Variants in FAXDC2 observed in about 807,000 individuals in gnomAD.
The protein encoded by FAXDC2 is fatty acid hydroxylase domain containing 2.
In FAXDC2, 41 loss-of-function variants were observed where a neutral mutation model predicts 40.9. The observed-to-expected ratio is 1.00, with a 90% confidence interval of 0.78 to 1.30. The LOEUF is 1.30. Among genes scored for constraint, FAXDC2 ranks in the 50% most tolerant of loss-of-function variants. The pLI, the probability that FAXDC2 is intolerant of heterozygous loss-of-function variation, is 0.00. For synonymous variants in FAXDC2, 157 were observed against 149.3 expected, an observed-to-expected ratio of 1.05 and a Z score of -0.38; for missense variants, 390 against 408.8, an observed-to-expected ratio of 0.95 and a Z score of 0.40.
At chr5:154,820,663 C>A (rs1298208334) in intron 8 of FAXDC2, 191 bp from the exon 9 acceptor site, 5 of 493,318 alleles carry the variant, frequency 1.0e-5, no homozygotes, top group Non-Finnish European at 1.8e-5. Context: ...TCCAAACCTG[C>A]AATTTGCCGT....
Position 154,821,382 on chromosome 5 carries a change from G to T in FAXDC2, c.723C>A (p.Gly241=), listed in dbSNP as rs761234799. The T allele has an allele frequency of 1.2e-6, 2 of 1,611,916 alleles. No individual in the cohort carries two copies. The highest frequency in any genetic ancestry group is 1.1e-5 in the South Asian group (1 of 90,860). Residue 241 remains glycine, a synonymous_variant, in exon 8 of 9, where the codon GGC becomes GGA. Transcript: ENST00000326080. ...ACATGGTGATGGAGGACAAGTGGGA[G>T]CCCATTACTAATGGGCCCACTATCA... The part of the protein sequence containing the change: ...LPVIVGPLVM[G]SHLSSITMWF...
At chr5:154,849,625 A>C (rs1760684770) in intron 1 of FAXDC2, among the ~76,000 whole-genome samples, 3 of 152,228 alleles carry the variant, frequency 2.0e-5, no homozygotes, top group African/African-American at 7.2e-5. Flanking sequence ...CCCTTGTGCT[A>C]ATTACTTTCG....
At chr5:154,835,058 C>A in intron 2 of FAXDC2, 124 bp from the exon 3 acceptor site, 1 of 656,398 alleles carries the variant, frequency 1.5e-6, no homozygotes, top group Non-Finnish European at 2.7e-6. Flanking sequence ...GGCACATCTG[C>A]GTTTTCCAGC....
In FAXDC2 at chr5:154,842,358, C is replaced by T. The variant is rs1328832489; in HGVS notation, c.1-4180G>A. On this transcript the variant is annotated intron_variant, in intron 1 of 8. Transcript: ENST00000326080. ...GATTACAGGCATGCACCACCATGCC[C>T]GGCTAATTTTTTTGTATTTTTTTTT... is the stretch of plus-strand genomic sequence containing the variant. Among the ~76,000 whole-genome samples the T allele has an allele frequency of 5.3e-5, 8 of 150,858 alleles. No homozygotes were observed. The South Asian group carries it at 8.4e-4, about 16-fold the overall frequency.
At chr5:154,827,421 T>TGTG (rs1760066368) in intron 5 of FAXDC2, among the ~76,000 whole-genome samples, 1 of 138,590 alleles carries the variant, frequency 7.2e-6, no homozygotes, top group Non-Finnish European at 1.5e-5. Flanking sequence ...TTCTGTTATT[T>TGTG]TGTGTGTGTG....
chr5:154,849,466 A>G (rs1163864758), intron 1 of FAXDC2, among the ~76,000 whole-genome samples: 3 of 151,996 alleles, frequency 2.0e-5, no homozygotes, highest in Non-Finnish European at 2.9e-5. Flanking sequence ...CTTGTTTACC[A>G]CGAGATCCAC....
intron 1 of FAXDC2, among the ~76,000 whole-genome samples, chr5:154,841,268 T>G (rs1314247920): frequency 6.6e-6 from 1 of 152,142 alleles, no homozygotes; most frequent in African/African-American, 2.4e-5. Flanking sequence ...TACTGAGGCT[T>G]GTAAGTGTGC....
chr5:154,834,643 A>G lies in FAXDC2; in HGVS notation c.226T>C (p.Trp76Arg), dbSNP rs1470447562. The change falls in exon 4 of 9, where the codon TGG becomes CGG. Residue 76 changes from tryptophan (W) to arginine (R), a missense_variant. Physicochemically the swap from Trp to Arg is moderately radical, Grantham distance 101. Coordinates refer to ENST00000326080, the MANE Select transcript of FAXDC2 (RefSeq NM_032385.5). ...RLLTTFEGKEWILFFIGAIQV... is the reference protein window; with the variant it reads ...RLLTTFEGKERILFFIGAIQV... ...ACCTCACCTATAAAGAAGAGGATCC[A>G]CTCCTTCCCTTCAAATGTAGTCAGC... 1 of 1,613,184 alleles carries G rather than the reference A, an allele frequency of 6.2e-7. No individual in the cohort carries two copies. Among genetic ancestry groups the G allele is most frequent in the African/African-American group, 1.3e-5 (1 of 74,832 alleles).
intron 5 of FAXDC2, chr5:154,829,600 T>A (rs2113138800): frequency 6.5e-6 from 1 of 154,528 alleles, no homozygotes; most frequent in African/African-American, 2.4e-5. Flanking sequence ...AGCTCTGTAG[T>A]CATTGTGTAG....
chr5:154,829,917 G>T (rs1760146404), intron 5 of FAXDC2, among the ~76,000 whole-genome samples: 1 of 152,200 alleles, frequency 6.6e-6, no homozygotes, highest in Non-Finnish European at 1.5e-5. Flanking sequence ...GGCAGCTGTT[G>T]TCCCAAGTGA....
At chr5:154,842,356 C>T (rs1213410953) in intron 1 of FAXDC2, among the ~76,000 whole-genome samples, 1 of 151,150 alleles carries the variant, frequency 6.6e-6, no homozygotes, top group Non-Finnish European at 1.5e-5. Flanking sequence ...CACCACCATG[C>T]CCGGCTAATT....
chr5:154,821,209 G>A (rs1485330275), intron 8 of FAXDC2, 51 bp downstream of exon 8: 21 of 1,446,464 alleles, frequency 1.5e-5, no homozygotes, highest in Non-Finnish European at 1.9e-5. Flanking sequence ...GCTTAAGGAG[G>A]GAGGGTGATG....
intron 4 of FAXDC2, among the ~76,000 whole-genome samples, chr5:154,832,730 T>C (rs1760225371): frequency 6.6e-6 from 1 of 152,180 alleles, no homozygotes; most frequent in Non-Finnish European, 1.5e-5. Flanking sequence ...ACCAAGGTAA[T>C]AGGTAATTTT....
At position 154,826,927 on chromosome 5, in the gene FAXDC2, T is replaced by C. The variant is rs181130270; in HGVS notation, c.367-3335A>G. On this transcript the variant is annotated intron_variant, in intron 5 of 8. Coordinates refer to ENST00000326080, the MANE Select transcript of FAXDC2 (RefSeq NM_032385.5). The stretch of plus-strand genomic sequence containing the variant: ...TTAAAATTGGTGAATCTAAGTGATA[T>C]GTAAATGCATAATTCTTACATTATT... Among the ~76,000 whole-genome samples, 519 of 152,352 alleles carry C rather than the reference T, an allele frequency of 3.4e-3. 4 individuals carry two copies. Among genetic ancestry groups the C allele is most frequent in the African/African-American group, 0.012 (497 of 41,594 alleles).
At position 154,833,514 on chromosome 5, in the gene FAXDC2, T is replaced by TTGTG. The variant is rs372428155; in HGVS notation, c.244+1107_244+1110dup. Among the ~76,000 whole-genome samples, 1,194 of 151,062 alleles carry TTGTG rather than the reference T, an allele frequency of 7.9e-3. 11 individuals are homozygous for TTGTG. The highest frequency in any genetic ancestry group is 0.028 in the African/African-American group (1,156 of 41,128). Reference sequence around the variant, plus strand: ...GCACGCACCACCACACCCAGCTAATTTGTGTGTGTGTGTGTTTTTAGTGAA... The same window carrying TTGTG: ...GCACGCACCACCACACCCAGCTAATTTGTGTGTGTGTGTGTGTGTTTTTAGTGAA... On this transcript the variant is annotated intron_variant, in intron 4 of 8. Coordinates refer to ENST00000326080, the MANE Select transcript of FAXDC2 (RefSeq NM_032385.5).
rs1222605051 is a variant in FAXDC2, at chr5:154,820,406, C to T, written c.912G>A (p.Lys304=). ...DHLHGTDTMF[K]QTKAYERHVL... is the part of the protein sequence containing the mutation. ...CATGTCTCTCGTAGGCCTTGGTCTG[C>T]TTGAACATGGTGTCAGTCCCATGGA... Residue 304 remains lysine, a synonymous_variant, in exon 9 of 9, where the codon AAG becomes AAA. Coordinates refer to ENST00000326080, the MANE Select transcript of FAXDC2 (RefSeq NM_032385.5). 3 of 1,612,880 alleles carry T rather than the reference C, an allele frequency of 1.9e-6. No individual in the cohort carries two copies. Among genetic ancestry groups the T allele is most frequent in the Non-Finnish European group, 2.5e-6 (3 of 1,179,858 alleles).
At chr5:154,840,439 G>T (rs547295167) in intron 1 of FAXDC2, among the ~76,000 whole-genome samples, 1 of 151,960 alleles carries the variant, frequency 6.6e-6, no homozygotes, top group South Asian at 2.1e-4. Flanking sequence ...GTCCAAGCTG[G>T]ACTCAAACTC....
At chr5:154,847,732 A>C (rs1338990223) in intron 1 of FAXDC2, among the ~76,000 whole-genome samples, 3 of 150,516 alleles carry the variant, frequency 2.0e-5, no homozygotes, top group South Asian at 2.1e-4. Flanking sequence ...CTCAGGTGAT[A>C]CACCCACCTT....
intron 4 of FAXDC2, 48 bp downstream of exon 4, chr5:154,834,577 T>G: frequency 1.6e-6 from 2 of 1,271,898 alleles, no homozygotes; most frequent in East Asian, 2.3e-5. Context: ...AGAATTAAGT[T>G]ATAATCATGC....
Sources: allele counts gnomAD v4.1 joint callset (sites outside exome capture counted in the v4.1 genomes callset), GRCh38; gene constraint gnomAD v4.1.1; transcripts MANE v1.5; gene names NCBI Gene and HGNC (gene_info 2026-07-23, HGNC 2026-07-21).